PDCD11: variants seen among roughly 807,000 people sequenced by gnomAD.
PDCD11 encodes the protein protein RRP5 homolog.
In PDCD11, 97 loss-of-function variants were observed where a neutral mutation model predicts 198.9. That is an observed-to-expected ratio of 0.49 (90% CI 0.41 to 0.58). The LOEUF (loss-of-function observed/expected upper bound fraction) is 0.58, where lower values mean the gene tolerates loss of function less well. PDCD11 is among the 20% of genes least tolerant of loss of function. The probability of loss-of-function intolerance (pLI) is 0.00; values close to 1 mark genes in which losing one functional copy is unlikely to be tolerated. For missense variants in PDCD11, 2,102 were observed against 2,312.7 expected, an observed-to-expected ratio of 0.91 and a Z score of 1.87; for synonymous variants, 893 against 918.0, an observed-to-expected ratio of 0.97 and a Z score of 0.49.
At chr10:103,405,937 C>A (rs199841503) in intron 5 of PDCD11, 48 bp from the exon 6 acceptor site, 294 of 1,600,818 alleles carry the variant, frequency 1.8e-4, no homozygotes, top group Non-Finnish European at 2.3e-4. Flanking sequence ...TTGTGTGTGT[C>A]CCATTACCTT....
At chr10:103,421,859 C>T (rs898663366) in intron 17 of PDCD11, among the ~76,000 whole-genome samples, 38 of 147,872 alleles carry the variant, frequency 2.6e-4, no homozygotes, top group South Asian at 1.3e-3. Context: ...CCCAGCTACT[C>T]GGGAGGCTGA....
chr10:103,419,349 T>C (rs2031293805), intron 15 of PDCD11, among the ~76,000 whole-genome samples, 189 bp from the exon 16 acceptor site: 2 of 152,168 alleles, frequency 1.3e-5, no homozygotes, highest in Admixed American at 1.3e-4. Context: ...TAGGTCTAGG[T>C]GGTGCTTGAG....
At chr10:103,425,634 T>C in intron 20 of PDCD11, 109 bp downstream of exon 20, 1 of 900,934 alleles carries the variant, frequency 1.1e-6, no homozygotes. Flanking sequence ...AGATTCTCTT[T>C]TAGTTAACAA....
chr10:103,419,344 C>G (rs1273841547), intron 15 of PDCD11, among the ~76,000 whole-genome samples, 194 bp from the exon 16 acceptor site: 2 of 152,168 alleles, frequency 1.3e-5, no homozygotes, highest in Non-Finnish European at 2.9e-5. Flanking sequence ...TTCAGTAGGT[C>G]TAGGTGGTGC....
intron 24 of PDCD11, 196 bp from the exon 25 acceptor site, chr10:103,434,602 A>G (rs2032072417): frequency 3.4e-6 from 2 of 590,880 alleles, no homozygotes; most frequent in African/African-American, 1.9e-5. Flanking sequence ...TCCCTGGGAA[A>G]GAGTTGTCCA....
chr10:103,402,887 C>G (rs2030198465), intron 3 of PDCD11, among the ~76,000 whole-genome samples: 1 of 152,098 alleles, frequency 6.6e-6, no homozygotes. Flanking sequence ...GCGTGTACCA[C>G]TATGCCTGGC....
chr10:103,426,981 C>T (rs954887187), intron 20 of PDCD11, among the ~76,000 whole-genome samples: 3 of 151,498 alleles, frequency 2.0e-5, no homozygotes, highest in Non-Finnish European at 4.4e-5. Context: ...TGGTGGCATA[C>T]ACCTATAGTC....
At chr10:103,402,524 C>T (rs562204157) in intron 3 of PDCD11, among the ~76,000 whole-genome samples, 42 of 148,592 alleles carry the variant, frequency 2.8e-4, no homozygotes, top group Non-Finnish European at 5.2e-4. Context: ...TTGCAACCTC[C>T]ACCTCCCAGG....
In PDCD11 at chr10:103,417,845, A is replaced by G. The variant is rs376327855; in HGVS notation, c.1824A>G (p.Leu608=). ...NCEPSKERML[L]SFKLSSDPEP... ...AGCCATCCAAAGAGAGGATGCTCTT[A>G]TCCTTCAAGCTGTCGAGTGATCCAG... Residue 608 remains leucine, a synonymous_variant, in exon 14 of 36, where the codon TTA becomes TTG. Coordinates refer to ENST00000369797, the MANE Select transcript of PDCD11 (RefSeq NM_014976.2). The G allele has an allele frequency of 1.4e-5, 22 of 1,614,090 alleles. No homozygotes were observed. The highest frequency in any genetic ancestry group is 1.8e-5 in the Non-Finnish European group (21 of 1,180,032).
chr10:103,405,934 T>G (rs374688709), intron 5 of PDCD11, 51 bp from the exon 6 acceptor site: 82 of 1,591,708 alleles, frequency 5.2e-5, no homozygotes, highest in Non-Finnish European at 6.8e-5. Flanking sequence ...GTTTTGTGTG[T>G]GTCCCATTAC....
In PDCD11 at chr10:103,406,756, TA is replaced by T. The variant is rs1474778109; in HGVS notation, c.837del (p.Pro280GlnfsTer12). ...EQQSWNLNNL[L>X]PGLVVKAQVQ... The stretch of plus-strand genomic sequence containing the variant: ...CAGAGCTGGAACCTTAATAACTTGC[TA>T]CCAGGACTGGTGGTCAAAGCTCAGG... On this transcript the variant is annotated frameshift_variant, in exon 7 of 36. Coordinates refer to ENST00000369797, the MANE Select transcript of PDCD11 (RefSeq NM_014976.2). LOFTEE classifies it high-confidence loss of function. The T allele has an allele frequency of 3.7e-6, 6 of 1,614,182 alleles. No homozygotes were observed. The highest frequency in any genetic ancestry group is 5.1e-6 in the Non-Finnish European group (6 of 1,180,004).
At chr10:103,403,334 A>G (rs1208218525) in intron 4 of PDCD11, 49 bp downstream of exon 4, 1 of 1,544,140 alleles carries the variant, frequency 6.5e-7, no homozygotes, top group South Asian at 1.2e-5. Flanking sequence ...GTGGAACACA[A>G]ATAGATTTAA....
intron 34 of PDCD11, 27 bp downstream of exon 34, chr10:103,444,095 C>T (rs745398252): frequency 3.1e-6 from 5 of 1,598,272 alleles, no homozygotes; most frequent in Non-Finnish European, 4.3e-6. Context: ...AGCTCCTGAG[C>T]CCATGAGCAC....
chr10:103,444,656 C>T lies in PDCD11; in HGVS notation c.5418C>T (p.Ile1806=). ...GGTCGGTCTATATCGACATGACCAT[C>T]AAGCACGGCAGCCAGAAGGACGTCC... ...DVWSVYIDMT[I]KHGSQKDVRD... Residue 1806 remains isoleucine, a synonymous_variant, in exon 35 of 36, where the codon ATC becomes ATT. Coordinates refer to ENST00000369797, the MANE Select transcript of PDCD11 (RefSeq NM_014976.2). 1 of 1,614,038 alleles carries T rather than the reference C, an allele frequency of 6.2e-7. No individual in the cohort carries two copies. Among genetic ancestry groups the T allele is most frequent in the Non-Finnish European group, 8.5e-7 (1 of 1,180,028 alleles).
intron 2 of PDCD11, 96 bp from the exon 3 acceptor site, chr10:103,400,301 A>G: frequency 8.9e-7 from 1 of 1,124,564 alleles, no homozygotes; most frequent in South Asian, 1.5e-5. Context: ...TGAAGGAGTA[A>G]CAAAGCAAGG....
chr10:103,404,061 T>G (rs2030286339), intron 4 of PDCD11, among the ~76,000 whole-genome samples: 1 of 152,012 alleles, frequency 6.6e-6, no homozygotes, highest in Admixed American at 6.6e-5. Flanking sequence ...TGATCTCAGC[T>G]CACTGAAACC....
At chr10:103,422,058 A>T (rs1160439300) in intron 17 of PDCD11, among the ~76,000 whole-genome samples, 85 of 33,704 alleles carry the variant, frequency 2.5e-3, no homozygotes, top group African/African-American at 8.0e-3. Flanking sequence ...GCACAATTTT[A>T]TTATTATTAT....
Position 103,438,600 on chromosome 10 carries a change from A to T in PDCD11, c.3903-86A>T. 3.2e-6 allele frequency: 5 copies of T among 1,538,860 alleles called. 1 individual carries two copies. In the South Asian group the frequency reaches 5.9e-5, roughly 18 times the overall value. On this transcript the variant is annotated intron_variant, in intron 26 of 35. Transcript: ENST00000369797. ...CAGGTCCAGAGTCATATTCTTATTT[A>T]CTAAGTATGATGGTTGCAGGTGTAT...
Position 103,440,389 on chromosome 10 carries a change from G to A in PDCD11, c.4248G>A (p.Lys1416=). 1 of 1,614,220 alleles carries A rather than the reference G, an allele frequency of 6.2e-7. No homozygotes were observed. The highest frequency in any genetic ancestry group is 1.7e-5 in the Admixed American group (1 of 60,016). The part of the protein sequence containing the change: ...LSASLEGQLT[K]QEERKTEAEE... ...CTTCCTTGGAAGGGCAACTTACAAAGCAAGAGGAGAGGAAAACAGAGGCTG... is the reference window on the plus strand; with the variant it reads ...CTTCCTTGGAAGGGCAACTTACAAAACAAGAGGAGAGGAAAACAGAGGCTG... The change falls in exon 29 of 36, where the codon AAG becomes AAA. Residue 1416 remains lysine, a synonymous_variant. Coordinates refer to ENST00000369797, the MANE Select transcript of PDCD11 (RefSeq NM_014976.2).
Sources: gnomAD v4.1 joint callset for allele counts (sites outside exome capture counted in the v4.1 genomes callset) on GRCh38, gnomAD v4.1.1 for gene constraint, MANE v1.5 for transcripts, NCBI Gene and HGNC (gene_info 2026-07-23, HGNC 2026-07-21) for gene names.